The following NRG3 variants were observed in gnomAD, a reference collection of about 807,000 sequenced individuals.
The protein encoded by NRG3 is pro-neuregulin-3, membrane-bound isoform.
Under a neutral mutation model 66.9 loss-of-function variants are expected in NRG3, and 31 were observed. The ratio of observed to expected loss-of-function variants is 0.46; its 90% CI spans 0.35 to 0.63. The LOEUF is 0.63. Ranked by LOEUF, NRG3 falls within the 20% of genes least tolerant of loss-of-function variation. The pLI is 0.00. For synonymous variants in NRG3, 393 were observed against 359.4 expected, an observed-to-expected ratio of 1.09 and a Z score of -1.06; for missense variants, 910 against 878.9, an observed-to-expected ratio of 1.04 and a Z score of -0.45.
intron 2 of NRG3, among the ~76,000 whole-genome samples, chr10:82,696,806 T>C (rs2055421249): frequency 6.6e-6 from 1 of 152,232 alleles, no homozygotes; most frequent in African/African-American, 2.4e-5. Flanking sequence ...GATATGACTT[T>C]GTCTTAGTGA....
chr10:82,800,759 G>A (rs1221172844), intron 3 of NRG3, among the ~76,000 whole-genome samples: 1 of 152,174 alleles, frequency 6.6e-6, no homozygotes, highest in Non-Finnish European at 1.5e-5. Context: ...TCAAATGCTA[G>A]TGAAGGAGGC....
At chr10:82,951,984 A>C (rs2132365307) in intron 5 of NRG3, among the ~76,000 whole-genome samples, 1 of 152,352 alleles carries the variant, frequency 6.6e-6, no homozygotes, top group South Asian at 2.1e-4. Flanking sequence ...TGAAAAAACA[A>C]TTCAGTTTTT....
At chr10:82,519,651 G>C (rs1590450519) in intron 2 of NRG3, among the ~76,000 whole-genome samples, 1 of 152,258 alleles carries the variant, frequency 6.6e-6, no homozygotes, top group Non-Finnish European at 1.5e-5. Flanking sequence ...ATGCTTTGAA[G>C]AACAAAAGGA....
At chr10:82,693,079 G>T (rs887141704) in intron 2 of NRG3, among the ~76,000 whole-genome samples, 1 of 152,064 alleles carries the variant, frequency 6.6e-6, no homozygotes, top group African/African-American at 2.4e-5. Context: ...TGTCAATCTT[G>T]TTTTTCACAA....
chr10:82,314,678 C>T (rs1468357662), intron 1 of NRG3, among the ~76,000 whole-genome samples: 3 of 151,970 alleles, frequency 2.0e-5, no homozygotes, highest in East Asian at 1.9e-4. Context: ...GGCATGGTGG[C>T]GGGCGCCTGT....
At chr10:82,826,755 T>C (rs951103593) in intron 3 of NRG3, among the ~76,000 whole-genome samples, 3 of 152,026 alleles carry the variant, frequency 2.0e-5, no homozygotes, top group African/African-American at 4.8e-5. Flanking sequence ...CTGGGCCTAC[T>C]TGAGGTGGGA....
At chr10:81,931,724 C>G (rs1251644032) in intron 1 of NRG3, among the ~76,000 whole-genome samples, 1 of 152,218 alleles carries the variant, frequency 6.6e-6, no homozygotes, top group African/African-American at 2.4e-5. Context: ...CATCGTTCCC[C>G]CTTTTCCCAA....
chr10:82,771,736 A>G (rs1403729398), intron 3 of NRG3, among the ~76,000 whole-genome samples: 1 of 152,220 alleles, frequency 6.6e-6, no homozygotes, highest in Non-Finnish European at 1.5e-5. Flanking sequence ...ACTATGTTAT[A>G]ACATTAGTGG....
At chr10:82,385,277 A>G (rs1046814956) in intron 2 of NRG3, among the ~76,000 whole-genome samples, 1 of 151,964 alleles carries the variant, frequency 6.6e-6, no homozygotes, top group East Asian at 1.9e-4. Flanking sequence ...GTTTGTTTAC[A>G]TTGTTGATAG....
chr10:82,348,393 G>GC (rs1252141938), intron 1 of NRG3, among the ~76,000 whole-genome samples: 2 of 145,526 alleles, frequency 1.4e-5, no homozygotes, highest in Non-Finnish European at 3.0e-5. Context: ...TTGAATATTG[G>GC]CCCCCACTCT....
At chr10:82,894,028 A>G (rs1843419289) in intron 4 of NRG3, among the ~76,000 whole-genome samples, 1 of 152,242 alleles carries the variant, frequency 6.6e-6, no homozygotes. Context: ...GATGAGTTCT[A>G]TAAAACGTAC....
At chr10:82,772,805 AAGCAAC>A (rs2059766764) in intron 3 of NRG3, among the ~76,000 whole-genome samples, 1 of 148,156 alleles carries the variant, frequency 6.7e-6, no homozygotes, top group African/African-American at 2.5e-5. Flanking sequence ...TCCTGGGCTC[AAGCAAC>A]ACTCTGACCT....
At chr10:82,803,905 A>G (rs941833045) in intron 3 of NRG3, among the ~76,000 whole-genome samples, 1 of 152,224 alleles carries the variant, frequency 6.6e-6, no homozygotes, top group Non-Finnish European at 1.5e-5. Context: ...GTCCAAAAAT[A>G]TTAAGTGGAC....
intron 3 of NRG3, among the ~76,000 whole-genome samples, chr10:82,828,925 G>T (rs1398655048): frequency 1.3e-5 from 2 of 152,110 alleles, no homozygotes; most frequent in Non-Finnish European, 2.9e-5. Flanking sequence ...ACATGGCAAG[G>T]AATATATTCT....
At chr10:82,822,643 A>T (rs1015899159) in intron 3 of NRG3, among the ~76,000 whole-genome samples, 1 of 152,102 alleles carries the variant, frequency 6.6e-6, no homozygotes, top group African/African-American at 2.4e-5. Flanking sequence ...AGGTGGGCAG[A>T]TGTTTAATGT....
chr10:81,997,867 C>CT (rs58891996), intron 1 of NRG3, among the ~76,000 whole-genome samples: 2,373 of 140,810 alleles, frequency 0.017, 63 homozygotes, highest in African/African-American at 0.057. Flanking sequence ...AAAGGCCCAA[C>CT]TTTTTTTTTT....
intron 1 of NRG3, among the ~76,000 whole-genome samples, chr10:82,284,709 A>G (rs1564747934): frequency 6.6e-6 from 1 of 152,210 alleles, no homozygotes; most frequent in Non-Finnish European, 1.5e-5. Context: ...TACAAATGGC[A>G]TTGAAAAACA....
At chr10:82,780,733 T>C (rs1430054627) in intron 3 of NRG3, among the ~76,000 whole-genome samples, 1 of 152,192 alleles carries the variant, frequency 6.6e-6, no homozygotes, top group Non-Finnish European at 1.5e-5. Flanking sequence ...GGCCTGATTC[T>C]ATTAGGTCTT....
chr10:82,239,984 G>A (rs1385338516), intron 1 of NRG3, among the ~76,000 whole-genome samples: 1 of 151,874 alleles, frequency 6.6e-6, no homozygotes, highest in African/African-American at 2.4e-5. Context: ...GAGTGTACTG[G>A]TATTTTTTTT....
Sources: allele counts gnomAD v4.1 joint callset (sites outside exome capture counted in the v4.1 genomes callset), GRCh38; gene constraint gnomAD v4.1.1; transcripts MANE v1.5; gene names NCBI Gene and HGNC (gene_info 2026-07-23, HGNC 2026-07-21).